The following RAB40A variants were observed in gnomAD, a reference collection of about 807,000 sequenced individuals.
The protein encoded by RAB40A is RAB40A, member RAS oncogene family.
For missense variants in RAB40A, 145 were observed against 230.2 expected (o/e 0.63, Z 2.40); for synonymous variants, 65 against 99.9 (o/e 0.65, Z 2.08).
downstream of RAB40A, among the ~76,000 whole-genome samples, chrX:103,497,347 AGATGGATG>A (rs201929979): frequency 1.8e-5 from 2 of 110,505 alleles, no homozygotes; most frequent in East Asian, 2.9e-4. Context: ...GGGGATGGAT[AGATGGATG>A]GATGGATGGA....
downstream of RAB40A, among the ~76,000 whole-genome samples, chrX:103,497,186 A>T (rs1393338288): frequency 8.9e-6 from 1 of 112,076 alleles, no homozygotes; most frequent in Non-Finnish European, 1.9e-5. Flanking sequence ...AGGCTCTCTC[A>T]GGGTGGAAAT....
At chrX:103,511,082 G>A (rs906643334) in intron 2 of RAB40A, among the ~76,000 whole-genome samples, 44 of 111,857 alleles carry the variant, frequency 3.9e-4, no homozygotes, top group African/African-American at 1.3e-3. Context: ...ACATGCACAC[G>A]TATGTTTATT....
At chrX:103,512,292 C>A (rs890138909) in intron 2 of RAB40A, among the ~76,000 whole-genome samples, 3 of 108,663 alleles carry the variant, frequency 2.8e-5, no homozygotes, top group Non-Finnish European at 5.7e-5. Context: ...AATACAAAGC[C>A]TTAGTTTTGG....
intron 2 of RAB40A, among the ~76,000 whole-genome samples, chrX:103,517,062 C>A (rs2147596053): frequency 9.0e-6 from 1 of 111,727 alleles, no homozygotes; most frequent in South Asian, 3.8e-4. Flanking sequence ...ACTTCTTTAA[C>A]CTGCATGTCA....
chrX:103,509,303 CTCTCTCTCTCTCTCTCTG>C (rs1442119787), intron 2 of RAB40A, among the ~76,000 whole-genome samples: 14 of 105,096 alleles, frequency 1.3e-4, no homozygotes, highest in African/African-American at 5.2e-4. Flanking sequence ...CTCTCTCTCT[CTCTCTCTCTCTCTCTCTG>C]TCTCTCTGTC....
At chrX:103,496,215 T>A (rs2073170008), downstream of RAB40A, among the ~76,000 whole-genome samples, 1 of 112,317 alleles carries the variant, frequency 8.9e-6, no homozygotes, top group African/African-American at 3.2e-5. Context: ...GAACTGAGGG[T>A]TAGCCACATA....
chrX:103,518,132 TA>T (rs1482899706), intron 1 of RAB40A, among the ~76,000 whole-genome samples: 3 of 112,017 alleles, frequency 2.7e-5, no homozygotes, highest in African/African-American at 9.7e-5. Context: ...TTCACCTTTG[TA>T]GAAATTCTAT....
At chrX:103,509,635 T>C (rs746065245) in intron 2 of RAB40A, among the ~76,000 whole-genome samples, 20 of 26,438 alleles carry the variant, frequency 7.6e-4, no homozygotes, top group African/African-American at 2.9e-3. Context: ...TTCTGCATTT[T>C]CTGTTAACAA....
chrX:103,496,657 G>A (rs951795971), downstream of RAB40A, among the ~76,000 whole-genome samples: 1 of 112,365 alleles, frequency 8.9e-6, no homozygotes, highest in Non-Finnish European at 1.9e-5. Flanking sequence ...TTGCTAACAT[G>A]CAGTAAATCT....
intron 2 of RAB40A, among the ~76,000 whole-genome samples, chrX:103,510,140 G>A (rs1569376350): frequency 2.7e-5 from 3 of 111,942 alleles, no homozygotes; most frequent in Non-Finnish European, 5.6e-5. Context: ...AAATATCCTT[G>A]CTTGTCCAGT....
intron 2 of RAB40A, among the ~76,000 whole-genome samples, chrX:103,507,895 C>T (rs1343116708): frequency 9.0e-6 from 1 of 111,490 alleles, no homozygotes; most frequent in Non-Finnish European, 1.9e-5. Context: ...CAGCTCCCAC[C>T]CCTTGACCCC....
At chrX:103,507,274 A>ACTT (rs1354262153) in intron 2 of RAB40A, among the ~76,000 whole-genome samples, 1 of 111,376 alleles carries the variant, frequency 9.0e-6, no homozygotes, top group African/African-American at 3.3e-5. Context: ...TCATGTATTT[A>ACTT]CTTATTTAAA....
chrX:103,509,722 G>C (rs1020858143), intron 2 of RAB40A, among the ~76,000 whole-genome samples: 3 of 104,583 alleles, frequency 2.9e-5, no homozygotes, highest in African/African-American at 1.1e-4. Context: ...TGCTCTCCAA[G>C]GTCACATTCC....
At chrX:103,512,815 A>G (rs1465278526) in intron 2 of RAB40A, among the ~76,000 whole-genome samples, 2 of 112,275 alleles carry the variant, frequency 1.8e-5, no homozygotes, top group Non-Finnish European at 3.8e-5. Flanking sequence ...AAATCTTGAC[A>G]GTGCTTATCC....
intron 2 of RAB40A, among the ~76,000 whole-genome samples, chrX:103,511,785 T>C (rs1283328153): frequency 2.7e-5 from 3 of 111,256 alleles, no homozygotes; most frequent in Non-Finnish European, 5.7e-5. Flanking sequence ...CCATGGTACA[T>C]GTATATGTAA....
At chrX:103,509,137 A>C (rs145165610) in intron 2 of RAB40A, among the ~76,000 whole-genome samples, 1,325 of 112,132 alleles carry the variant, frequency 0.012, 24 homozygotes, top group African/African-American at 0.04. Context: ...GAAATAAGAG[A>C]GCAAGAAGGG....
In RAB40A at chrX:103,499,479, A is replaced by T; in HGVS notation, c.*444T>A. 5.2e-6 allele frequency: 1 copy of T among 192,082 alleles called. No homozygotes were observed. 15.8% of individuals were successfully genotyped at this position (192,082 alleles called of 1,213,427 possible). On this transcript the variant is annotated 3_prime_UTR_variant, in exon 3 of 3. Coordinates refer to ENST00000304236, the MANE Select transcript of RAB40A (RefSeq NM_080879.3). ...AATTGGTGCTTTGACATTAAAAAGG[A>T]GGTTTACAAAAAGGCCCCTCTTGTA...
chrX:103,508,192 T>C (rs2073266674), intron 2 of RAB40A, among the ~76,000 whole-genome samples: 1 of 111,947 alleles, frequency 8.9e-6, no homozygotes, highest in Admixed American at 9.5e-5. Flanking sequence ...CTCCTCTGTC[T>C]TCCTCATCAC....
chrX:103,504,565 A>G (rs2073245196), intron 2 of RAB40A, among the ~76,000 whole-genome samples: 1 of 111,692 alleles, frequency 9.0e-6, no homozygotes, highest in Non-Finnish European at 1.9e-5. Context: ...TCTGACGCCC[A>G]GGCTGGAGTG....
Sources: allele counts gnomAD v4.1 joint callset (sites outside exome capture counted in the v4.1 genomes callset), GRCh38; gene constraint gnomAD v4.1.1; transcripts MANE v1.5; gene names NCBI Gene and HGNC (gene_info 2026-07-23, HGNC 2026-07-21).